ZNF570: variants seen among roughly 807,000 people sequenced by gnomAD.
ZNF570 encodes zinc finger protein 570.
ZNF570 carries 8 observed loss-of-function variants against 14.2 expected under a neutral mutation model. That is an observed-to-expected ratio of 0.56 (90% CI 0.33 to 1.02). The LOEUF is 1.02. Ranked by LOEUF, ZNF570 falls within the 50% of genes least tolerant of loss-of-function variation. The pLI, the probability that ZNF570 is intolerant of heterozygous loss-of-function variation, is 0.03. For missense variants in ZNF570, 559 were observed against 624.9 expected (o/e 0.89, Z 1.12); for synonymous variants, 202 against 207.6 (o/e 0.97, Z 0.23).
Position 37,487,761 on chromosome 19 carries a change from T to C in ZNF570, c.*2528T>C, listed in dbSNP as rs1333252449. Reference sequence around the variant, plus strand: ...TTAGCTTCACAGGTTTGTTCTGAAATTTATGAGGTATAAATTCTTAAGAGC... The same window carrying C: ...TTAGCTTCACAGGTTTGTTCTGAAACTTATGAGGTATAAATTCTTAAGAGC... On this transcript the variant is annotated 3_prime_UTR_variant, in exon 5 of 5. Transcript: ENST00000330173. 6.6e-6 allele frequency: 1 copy of C among 152,202 alleles called. No individual in the cohort carries two copies. The highest frequency in any genetic ancestry group is 2.4e-5 in the African/African-American group (1 of 41,454). The allele number at this position is 152,202 out of a possible 1,614,324, so 9.4% of individuals were successfully genotyped here. A position where few individuals can be genotyped will look rare whatever the true frequency, so the allele number is the denominator to read the frequency against.
chr19:37,479,370 A>G (rs2042061315), intron 4 of ZNF570, among the ~76,000 whole-genome samples: 1 of 152,078 alleles, frequency 6.6e-6, no homozygotes, highest in African/African-American at 2.4e-5. Context: ...TCTCTTCAAT[A>G]TACATTTATT....
intron 2 of ZNF570, among the ~76,000 whole-genome samples, chr19:37,471,916 T>A: frequency 1.4e-5 from 1 of 72,812 alleles, no homozygotes; most frequent in Non-Finnish European, 3.4e-5. Flanking sequence ...AGACTACTAT[T>A]TTTTTTTTTT....
upstream of ZNF570, chr19:37,469,288 C>A: frequency 1.4e-6 from 2 of 1,414,680 alleles, no homozygotes; most frequent in Non-Finnish European, 9.2e-7. Context: ...ACTACGTTTC[C>A]CAGCGGACCC....
At position 37,485,479 on chromosome 19, in the gene ZNF570, C is replaced by T. The variant is rs1447739156; in HGVS notation, c.*246C>T. ...CTGGAGTACAGTGGGACGATCTCAG[C>T]TCACTGCAACCTCTGACTCCCAGCC... On this transcript the variant is annotated 3_prime_UTR_variant, in exon 5 of 5. Coordinates refer to ENST00000330173, the MANE Select transcript of ZNF570 (RefSeq NM_144694.5). The T allele has an allele frequency of 5.4e-6, 2 of 367,732 alleles. No individual in the cohort carries two copies. Among genetic ancestry groups the T allele is most frequent in the African/African-American group, 4.2e-5 (2 of 47,646 alleles). 22.8% of individuals were successfully genotyped at this position (367,732 alleles called of 1,614,324 possible). A position where few individuals can be genotyped will look rare whatever the true frequency, so the allele number is the denominator to read the frequency against.
intron 4 of ZNF570, among the ~76,000 whole-genome samples, chr19:37,476,917 G>T (rs1248783865): frequency 6.6e-6 from 1 of 151,824 alleles, no homozygotes; most frequent in Non-Finnish European, 1.5e-5. Flanking sequence ...TCCATGTTAG[G>T]CTGGTCTCAA....
rs758764482 is a variant in ZNF570, at chr19:37,484,057, T to C, written c.435T>C (p.Cys145=). The change falls in exon 5 of 5, where the codon TGT becomes TGC. Residue 145 remains cysteine (C), a synonymous_variant. Coordinates refer to ENST00000330173, the MANE Select transcript of ZNF570 (RefSeq NM_144694.5). The part of the protein sequence containing the change: ...FERQPGNQKA[C]FKEEIITHEE... The stretch of plus-strand genomic sequence containing the variant: ...GGCAACCAGGTAATCAGAAGGCGTG[T>C]TTCAAGGAAGAGATAATCACTCATG... 6.2e-7 allele frequency: 1 copy of C among 1,614,088 alleles called. No individual in the cohort carries two copies. The highest frequency in any genetic ancestry group is 1.1e-5 in the South Asian group (1 of 91,082).
At chr19:37,472,940 T>C (rs1273025858) in intron 2 of ZNF570, among the ~76,000 whole-genome samples, 4 of 152,160 alleles carry the variant, frequency 2.6e-5, no homozygotes, top group Admixed American at 2.6e-4. Flanking sequence ...GCTAAGTGTT[T>C]GGCCTTTTCT....
chr19:37,469,495 A>C lies in ZNF570; in HGVS notation c.-114A>C. On this transcript the variant is annotated 5_prime_UTR_variant, in exon 1 of 5. Coordinates refer to ENST00000330173, the MANE Select transcript of ZNF570 (RefSeq NM_144694.5). ...TCTGCAGGTCGGGAGTGGGCTGAGGAGTGGCGTGTGGGTCTCCGGAAGCTC... is the reference window on the plus strand; with the variant it reads ...TCTGCAGGTCGGGAGTGGGCTGAGGCGTGGCGTGTGGGTCTCCGGAAGCTC... The C allele has an allele frequency of 6.5e-7, 1 of 1,536,378 alleles. No individual in the cohort carries two copies.
intron 2 of ZNF570, among the ~76,000 whole-genome samples, chr19:37,472,678 G>A (rs920691975): frequency 6.7e-6 from 1 of 149,792 alleles, no homozygotes; most frequent in East Asian, 2.0e-4. Context: ...GGAGGTGGAG[G>A]TTGCGGTGAG....
chr19:37,470,467 A>C, intron 2 of ZNF570, 80 bp downstream of exon 2: 1 of 1,378,162 alleles, frequency 7.3e-7, no homozygotes. Context: ...TTCTGCTGAA[A>C]CGTTTCTGGG....
rs1186651276 is a variant in ZNF570, at chr19:37,476,365, ATAT to A, written c.192_194del (p.Leu66del). 3.1e-6 allele frequency: 5 copies of A among 1,613,480 alleles called. No homozygotes were observed. Among genetic ancestry groups the A allele is most frequent in the East Asian group, 2.2e-5 (1 of 44,868 alleles). On this transcript the variant is annotated inframe_deletion, in exon 4 of 5. Coordinates refer to ENST00000330173, the MANE Select transcript of ZNF570 (RefSeq NM_144694.5). ...ACTTTGCTTTTCCAAACCAAGTGTG[ATAT>A]TATTGTTGGAACAAGGAAAAGCACC...
At chr19:37,476,266 G>C in intron 3 of ZNF570, 73 bp from the exon 4 acceptor site, 1 of 1,550,764 alleles carries the variant, frequency 6.4e-7, no homozygotes, top group Non-Finnish European at 8.8e-7. Flanking sequence ...TCCCTGATGA[G>C]CTAAGGATTG....
At position 37,470,407 on chromosome 19, in the gene ZNF570, A is replaced by T. The variant is rs2041937489; in HGVS notation, c.33+20A>T. On this transcript the variant is annotated intron_variant, in intron 2 of 4. Transcript: ENST00000330173. ...TACCAGGTGTGTTGGTGTTTTCTCG[A>T]TTTCCTGAATACCTGTCTGCTTTTC... is the stretch of plus-strand genomic sequence containing the variant. 6.2e-7 allele frequency: 1 copy of T among 1,609,082 alleles called. No individual in the cohort carries two copies. The highest frequency in any genetic ancestry group is 8.5e-7 in the Non-Finnish European group (1 of 1,176,216).
rs867879908 is a variant in ZNF570 at position 37,484,101 on chromosome 19, A to G, written c.479A>G (p.Glu160Gly). The change falls in exon 5 of 5, where the codon GAG becomes GGG. Residue 160 changes from glutamate to glycine, a missense_variant. Transcript: ENST00000330173. ...ACTCATGAAGAACCCCTTTTTGATG[A>G]GAGAGAACAAGAATATAAATCTTGG... is the stretch of plus-strand genomic sequence containing the variant. ...IITHEEPLFDEREQEYKSWGS... is the reference protein window; with the variant it reads ...IITHEEPLFDGREQEYKSWGS... 3 of 1,614,070 alleles carry G rather than the reference A, an allele frequency of 1.9e-6. No homozygotes were observed. The highest frequency in any genetic ancestry group is 2.5e-6 in the Non-Finnish European group (3 of 1,179,998).
intron 1 of ZNF570, 125 bp downstream of exon 1, chr19:37,469,682 G>C (rs1043990350): frequency 2.7e-5 from 28 of 1,023,812 alleles, no homozygotes; most frequent in Non-Finnish European, 3.7e-5. Flanking sequence ...GCGGGCGACT[G>C]TTCGCTGCAC....
chr19:37,475,895 C>T lies in ZNF570; in HGVS notation c.48C>T (p.Phe16=), dbSNP rs879551481. ...TTTCATTTCAGGAGTTGGTGACCTT[C>T]AGAGATGTGGCTGTAGACTTCTCCC... ...LKAMYQELVT[F]RDVAVDFSQE... The change falls in exon 3 of 5, where the codon TTC becomes TTT. Residue 16 remains phenylalanine (F), a synonymous_variant. Coordinates refer to ENST00000330173, the MANE Select transcript of ZNF570 (RefSeq NM_144694.5). 16 of 1,611,962 alleles carry T rather than the reference C, an allele frequency of 9.9e-6. No homozygotes were observed. Among genetic ancestry groups the T allele is most frequent in the African/African-American group, 6.7e-5 (5 of 74,814 alleles).
chr19:37,469,438 G>A lies in ZNF570; in HGVS notation c.-171G>A. The A allele has an allele frequency of 3.9e-6, 6 of 1,534,618 alleles. No homozygotes were observed. The highest frequency in any genetic ancestry group is 5.2e-6 in the Non-Finnish European group (6 of 1,145,734). On this transcript the variant is annotated 5_prime_UTR_variant, in exon 1 of 5. Transcript: ENST00000330173. ...CCGAGTGCAGATTCCCCGAGCCTTC[G>A]GGGCAGGAAGGAGATCTTCCACCAG...
rs952610332 is a variant in ZNF570, at chr19:37,488,108, C to T, written c.*2875C>T. 1 of 152,174 alleles carries T rather than the reference C, an allele frequency of 6.6e-6. No individual in the cohort carries two copies. The highest frequency in any genetic ancestry group is 1.5e-5 in the Non-Finnish European group (1 of 68,028). 9.4% of individuals were successfully genotyped at this position (152,174 alleles called of 1,614,324 possible). On this transcript the variant is annotated 3_prime_UTR_variant, in exon 5 of 5. Coordinates refer to ENST00000330173, the MANE Select transcript of ZNF570 (RefSeq NM_144694.5). ...TTGACCCAGCAATTCCATGTTTAAA[C>T]CTCTACATAGTCTCTCCTCGTGTTT...
At position 37,484,953 on chromosome 19, in the gene ZNF570, G is replaced by C; in HGVS notation, c.1331G>C (p.Cys444Ser). The part of the protein sequence containing the change: ...RVHTGEKPYE[C>S]IECGKAFSND... Reference sequence around the variant, plus strand: ...CATACTGGAGAGAAACCCTATGAATGTATTGAATGTGGGAAGGCTTTTAGC... The same window carrying C: ...CATACTGGAGAGAAACCCTATGAATCTATTGAATGTGGGAAGGCTTTTAGC... The change falls in exon 5 of 5, where the codon TGT (cysteine) becomes TCT (serine). Residue 444 changes from cysteine to serine, a missense_variant. Coordinates refer to ENST00000330173, the MANE Select transcript of ZNF570 (RefSeq NM_144694.5). 1 of 1,614,096 alleles carries C rather than the reference G, an allele frequency of 6.2e-7. No homozygotes were observed. Among genetic ancestry groups the C allele is most frequent in the African/African-American group, 1.3e-5 (1 of 75,032 alleles).
Sources: gnomAD v4.1 joint callset for allele counts (sites outside exome capture counted in the v4.1 genomes callset) on GRCh38, gnomAD v4.1.1 for gene constraint, MANE v1.5 for transcripts, NCBI Gene and HGNC (gene_info 2026-07-23, HGNC 2026-07-21) for gene names.